Variants in KAZN observed in about 807,000 individuals in gnomAD.
The protein encoded by KAZN is kazrin.
Under a neutral mutation model 87.4 loss-of-function variants are expected in KAZN, and 40 were observed. That is an observed-to-expected ratio of 0.46 (90% CI 0.36 to 0.60). The LOEUF is 0.60. Ranked by LOEUF, KAZN falls within the 20% of genes least tolerant of loss-of-function variation. KAZN has a pLI of 0.00. For missense variants in KAZN, 898 were observed against 1,073.9 expected, an observed-to-expected ratio of 0.84 and a Z score of 2.29; for synonymous variants, 466 against 458.3, an observed-to-expected ratio of 1.02 and a Z score of -0.22.
intron 1 of KAZN, among the ~76,000 whole-genome samples, chr1:13,962,054 GA>G (rs1173353374): frequency 3.3e-5 from 5 of 152,264 alleles, no homozygotes; most frequent in Non-Finnish European, 5.9e-5. Context: ...TTGCTGGCTG[GA>G]GCGTTGGCCA....
At chr1:14,222,158 T>G (rs534664562) in intron 2 of KAZN, 1 of 152,220 alleles carries the variant, frequency 6.6e-6, no homozygotes, top group South Asian at 2.1e-4. Flanking sequence ...CAAATTTGGG[T>G]TTTAAAGGTG....
At chr1:14,854,701 C>T (rs1649866808) in intron 1 of KAZN, among the ~76,000 whole-genome samples, 1 of 151,926 alleles carries the variant, frequency 6.6e-6, no homozygotes, top group Admixed American at 6.6e-5. Flanking sequence ...CCTCCATGAC[C>T]CAAACATCTC....
chr1:14,760,390 T>G (rs1644706856), intron 1 of KAZN, among the ~76,000 whole-genome samples: 1 of 152,110 alleles, frequency 6.6e-6, no homozygotes, highest in Non-Finnish European at 1.5e-5. Flanking sequence ...CGTTATCTCT[T>G]TTAAGGTTGT....
intron 1 of KAZN, among the ~76,000 whole-genome samples, chr1:14,157,610 C>T (rs1193911597): frequency 1.3e-5 from 2 of 152,120 alleles, no homozygotes; most frequent in African/African-American, 2.4e-5. Flanking sequence ...ATTGGGGCCC[C>T]ATTGTATGTT....
At chr1:14,514,608 T>TGAA (rs1177927081) in intron 2 of KAZN, among the ~76,000 whole-genome samples, 7,479 of 23,750 alleles carry the variant, frequency 0.31, 1,491 homozygotes, top group Non-Finnish European at 0.42. Context: ...TATATATATA[T>TGAA]ATATATATAT....
rs187090173 is a variant in KAZN at position 14,539,415 on chromosome 1, A to G, written c.250-59568A>G. Among the ~76,000 whole-genome samples the G allele has an allele frequency of 6.4e-3, 968 of 152,306 alleles. 18 individuals carry two copies. The highest frequency in any genetic ancestry group is 0.021 in the African/African-American group (884 of 41,558). On this transcript the variant is annotated intron_variant, in intron 2 of 16. Transcript: ENST00000636203. ...GATGAAATCTAAATAAAGTCAGTAG[A>G]CTTGAGTTAGTAGTAATGTACCAAT... is the stretch of plus-strand genomic sequence containing the variant.
intron 2 of KAZN, among the ~76,000 whole-genome samples, chr1:14,406,551 G>GA (rs1172519178): frequency 2.0e-5 from 3 of 152,104 alleles, no homozygotes; most frequent in African/African-American, 7.2e-5. Context: ...GAAAGGATGG[G>GA]AGGGGGGTGA....
At chr1:14,670,075 C>T (rs950446487) in intron 1 of KAZN, among the ~76,000 whole-genome samples, 1 of 152,110 alleles carries the variant, frequency 6.6e-6, no homozygotes, top group African/African-American at 2.4e-5. Flanking sequence ...CTTTATTTGG[C>T]CCGAGAGTCT....
chr1:14,105,280 C>A (rs72862554), intron 1 of KAZN, among the ~76,000 whole-genome samples: 1 of 152,110 alleles, frequency 6.6e-6, no homozygotes, highest in Non-Finnish European at 1.5e-5. Context: ...AGAACCAACC[C>A]GATCTGGGAG....
chr1:14,702,749 G>A (rs966714872), intron 1 of KAZN, among the ~76,000 whole-genome samples: 6 of 152,264 alleles, frequency 3.9e-5, no homozygotes, highest in South Asian at 4.2e-4. Flanking sequence ...GAAATGTAAC[G>A]TGGCCCTTTC....
At chr1:14,125,316 G>A (rs568285549) in intron 1 of KAZN, among the ~76,000 whole-genome samples, 50 of 152,316 alleles carry the variant, frequency 3.3e-4, no homozygotes, top group African/African-American at 1.2e-3. Flanking sequence ...GGGCTTGGGG[G>A]TCAATGGTGG....
chr1:14,906,206 T>G (rs1289875808), intron 1 of KAZN, among the ~76,000 whole-genome samples: 1 of 102,150 alleles, frequency 9.8e-6, no homozygotes, highest in African/African-American at 3.1e-5. Context: ...ATAATAATAA[T>G]AATAATAATA....
At chr1:15,028,178 T>C (rs1426170709) in intron 2 of KAZN, among the ~76,000 whole-genome samples, 2 of 152,060 alleles carry the variant, frequency 1.3e-5, no homozygotes, top group East Asian at 3.9e-4. Flanking sequence ...GTTGGAAAAA[T>C]AAGTGCCTCC....
chr1:14,512,481 C>T (rs1670962226), intron 2 of KAZN, among the ~76,000 whole-genome samples: 1 of 150,982 alleles, frequency 6.6e-6, no homozygotes, highest in African/African-American at 2.4e-5. Context: ...CCCCCCCACC[C>T]CCACCCCAAC....
At chr1:14,492,590 T>A (rs138567513) in intron 2 of KAZN, among the ~76,000 whole-genome samples, 1 of 103,432 alleles carries the variant, frequency 9.7e-6, no homozygotes, top group East Asian at 2.9e-4. Flanking sequence ...TCTGATAGCT[T>A]CTCTTTACAC....
chr1:14,076,238 G>A (rs1427385312), intron 1 of KAZN, among the ~76,000 whole-genome samples: 3 of 151,936 alleles, frequency 2.0e-5, no homozygotes, highest in African/African-American at 7.3e-5. Context: ...CCGAGATCAC[G>A]TCACTGCACT....
intron 2 of KAZN, among the ~76,000 whole-genome samples, chr1:14,363,660 C>G (rs1659708917): frequency 6.6e-6 from 1 of 152,180 alleles, no homozygotes; most frequent in Non-Finnish European, 1.5e-5. Context: ...ATCCAGCCAG[C>G]AGCTGGGTTT....
chr1:14,926,144 C>T (rs973277169), intron 1 of KAZN, among the ~76,000 whole-genome samples: 5 of 152,306 alleles, frequency 3.3e-5, no homozygotes, highest in Middle Eastern at 3.4e-3. Context: ...ACTCAGTTTC[C>T]CATTAGATTG....
chr1:14,920,485 G>A (rs944844479), intron 1 of KAZN, among the ~76,000 whole-genome samples: 9 of 151,604 alleles, frequency 5.9e-5, no homozygotes, highest in South Asian at 2.1e-4. Flanking sequence ...CTGTCTTTCC[G>A]GACCCCCAAA....
Sources: allele counts gnomAD v4.1 joint callset (sites outside exome capture counted in the v4.1 genomes callset), GRCh38; gene constraint gnomAD v4.1.1; transcripts MANE v1.5; gene names NCBI Gene and HGNC (gene_info 2026-07-23, HGNC 2026-07-21).